Variants in LMO7 observed in about 807,000 individuals in gnomAD.
The protein encoded by LMO7 is LIM domain 7.
LMO7 carries 120 observed loss-of-function variants against 206.5 expected under a neutral mutation model. That is an observed-to-expected ratio of 0.58 (90% CI 0.50 to 0.68). The LOEUF is 0.68. LMO7 is among the 30% of genes least tolerant of loss of function. The pLI is 0.00. For missense variants in LMO7, 1,959 were observed against 1,957.9 expected (o/e 1.00, Z -0.01); for synonymous variants, 706 against 681.5 (o/e 1.04, Z -0.56).
At chr13:75,817,880 C>G (rs888311301) in intron 12 of LMO7, among the ~76,000 whole-genome samples, 1 of 151,886 alleles carries the variant, frequency 6.6e-6, no homozygotes, top group East Asian at 1.9e-4. Context: ...AAGAAAAAAG[C>G]TTGACCATTT....
chr13:75,797,453 G>T (rs2054175736), intron 6 of LMO7, among the ~76,000 whole-genome samples: 1 of 152,146 alleles, frequency 6.6e-6, no homozygotes, highest in South Asian at 2.1e-4. Flanking sequence ...AATTTCTCTG[G>T]GTAGGGATAT....
chr13:75,805,918 A>C (rs2055395610), intron 9 of LMO7, 158 bp downstream of exon 9: 2 of 1,131,628 alleles, frequency 1.8e-6, no homozygotes, highest in Non-Finnish European at 2.5e-6. Flanking sequence ...ATTTCTGTTT[A>C]AATTTAAACC....
chr13:75,634,487 T>C (rs1392395994), upstream of LMO7, among the ~76,000 whole-genome samples: 1 of 151,468 alleles, frequency 6.6e-6, no homozygotes, highest in Admixed American at 6.6e-5. Flanking sequence ...ACGCCTGTAA[T>C]CAAAGCACTT....
At chr13:75,624,723 CCAT>C (rs1425648637) in intron 2 of LMO7, among the ~76,000 whole-genome samples, 1 of 152,180 alleles carries the variant, frequency 6.6e-6, no homozygotes, top group African/African-American at 2.4e-5. Flanking sequence ...GTTTTTAAAA[CCAT>C]CATATCTTGT....
chr13:75,802,930 T>C (rs184354408), intron 7 of LMO7, among the ~76,000 whole-genome samples: 4 of 152,292 alleles, frequency 2.6e-5, no homozygotes, highest in South Asian at 2.1e-4. Flanking sequence ...AATGATACTT[T>C]GGGGGAAAAA....
chr13:75,747,563 C>T (rs992096112), intron 3 of LMO7, among the ~76,000 whole-genome samples: 5 of 152,152 alleles, frequency 3.3e-5, no homozygotes, highest in Admixed American at 1.3e-4. Flanking sequence ...TCTCATGAGA[C>T]GAGCATTATC....
intron 1 of LMO7, among the ~76,000 whole-genome samples, chr13:75,698,095 T>C (rs981972935): frequency 2.6e-5 from 4 of 152,168 alleles, no homozygotes; most frequent in African/African-American, 7.2e-5. Context: ...ACAATAAATG[T>C]ACCTGAGAAA....
In LMO7 at chr13:75,824,487, C is replaced by A. The variant is rs183439988; in HGVS notation, c.2949+614C>A. Among the ~76,000 whole-genome samples the A allele has an allele frequency of 5.5e-3, 838 of 152,186 alleles. 7 individuals carry two copies. Among genetic ancestry groups the A allele is most frequent in the African/African-American group, 0.018 (744 of 41,510 alleles). On this transcript the variant is annotated intron_variant, in intron 15 of 30. Transcript: ENST00000377534. The stretch of plus-strand genomic sequence containing the variant: ...ACATTTGGAGTCCAAACAAAATATA[C>A]CATCAGATGAAGAATGACTGGGGGC...
At chr13:75,798,922 T>TA (rs1440931537) in intron 6 of LMO7, among the ~76,000 whole-genome samples, 2 of 152,266 alleles carry the variant, frequency 1.3e-5, no homozygotes, top group Non-Finnish European at 2.9e-5. Context: ...TGTTGAACTC[T>TA]AAGGCCTTAA....
chr13:75,749,279 A>C (rs1222479333), intron 3 of LMO7, among the ~76,000 whole-genome samples: 1 of 152,218 alleles, frequency 6.6e-6, no homozygotes, highest in Non-Finnish European at 1.5e-5. Flanking sequence ...AGTGCTTCAT[A>C]AAATATGCAT....
intron 9 of LMO7, chr13:75,807,029 A>G: frequency 6.3e-6 from 1 of 159,876 alleles, no homozygotes. Flanking sequence ...GCTGAGGGAG[A>G]TGAATTGCTT....
intron 3 of LMO7, among the ~76,000 whole-genome samples, chr13:75,737,500 T>A (rs1229145984): frequency 6.7e-6 from 1 of 149,488 alleles, no homozygotes; most frequent in East Asian, 2.0e-4. Flanking sequence ...ACGCCTGTAA[T>A]CCCAGCACTC....
At chr13:75,678,525 C>G (rs1433422716) in intron 1 of LMO7, among the ~76,000 whole-genome samples, 1 of 152,144 alleles carries the variant, frequency 6.6e-6, no homozygotes, top group African/African-American at 2.4e-5. Flanking sequence ...GTGAGCAAAG[C>G]TCTCAGATGG....
chr13:75,749,309 T>C (rs1402588071), intron 3 of LMO7, among the ~76,000 whole-genome samples: 1 of 152,212 alleles, frequency 6.6e-6, no homozygotes, highest in Non-Finnish European at 1.5e-5. Flanking sequence ...ACAGTGACAT[T>C]TTTTCTTAAA....
At chr13:75,658,652 C>T (rs1032439925) in intron 1 of LMO7, among the ~76,000 whole-genome samples, 3 of 152,200 alleles carry the variant, frequency 2.0e-5, no homozygotes, top group Middle Eastern at 3.4e-3. Flanking sequence ...GGCGCGATCT[C>T]GGCTCACTGC....
chr13:75,709,151 T>C (rs905975028), intron 1 of LMO7, among the ~76,000 whole-genome samples: 11 of 152,260 alleles, frequency 7.2e-5, no homozygotes, highest in African/African-American at 1.9e-4. Context: ...GGCAGCATAG[T>C]ATTCCATGGT....
chr13:75,684,566 T>TTA (rs1236345045), intron 1 of LMO7, among the ~76,000 whole-genome samples: 1 of 150,488 alleles, frequency 6.6e-6, no homozygotes, highest in African/African-American at 2.4e-5. Context: ...TTTTTTTTTT[T>TTA]AAACAAGTTT....
upstream of LMO7, among the ~76,000 whole-genome samples, chr13:75,632,723 CTAATAA>C (rs199939950): frequency 6.6e-6 from 1 of 152,140 alleles, no homozygotes; most frequent in Non-Finnish European, 1.5e-5. Context: ...TATATTAACT[CTAATAA>C]TAATAATTCT....
intron 11 of LMO7, among the ~76,000 whole-genome samples, chr13:75,815,671 T>G (rs1399966109): frequency 1.3e-5 from 2 of 152,136 alleles, no homozygotes; most frequent in Non-Finnish European, 2.9e-5. Context: ...GAAAGATGTT[T>G]GTTGAAACTG....
Sources: gnomAD v4.1 joint callset for allele counts (sites outside exome capture counted in the v4.1 genomes callset) on GRCh38, gnomAD v4.1.1 for gene constraint, MANE v1.5 for transcripts, NCBI Gene and HGNC (gene_info 2026-07-23, HGNC 2026-07-21) for gene names.